PTPRN2: variants seen among roughly 807,000 people sequenced by gnomAD.
The protein encoded by PTPRN2 is receptor-type tyrosine-protein phosphatase N2.
A neutral mutation model predicts 118.8 loss-of-function variants in PTPRN2; 74 were observed. The observed-to-expected ratio is 0.62, with a 90% confidence interval of 0.52 to 0.76. PTPRN2 has a LOEUF of 0.76. Ranked by LOEUF, PTPRN2 falls within the 30% of genes least tolerant of loss-of-function variation. The pLI, the probability that PTPRN2 is intolerant of heterozygous loss-of-function variation, is 0.00. For missense variants in PTPRN2, 1,481 were observed against 1,394.4 expected, an observed-to-expected ratio of 1.06 and a Z score of -0.99; for synonymous variants, 641 against 608.0, an observed-to-expected ratio of 1.05 and a Z score of -0.80.
intron 12 of PTPRN2, among the ~76,000 whole-genome samples, chr7:157,691,079 C>A (rs1054673013): frequency 8.0e-6 from 1 of 124,862 alleles, no homozygotes; most frequent in South Asian, 2.7e-4. Flanking sequence ...CCCCCCCCCC[C>A]CCACATGTTG....
At position 158,555,915 on chromosome 7, in the gene PTPRN2, C is replaced by A. The variant is rs143439245; in HGVS notation, c.112+31643G>T. On this transcript the variant is annotated intron_variant, in intron 1 of 22. Transcript: ENST00000389418. The surrounding 1 kb of genome is among the most constrained non-coding windows in gnomAD (Gnocchi z 4.7). ...AACATGGCACACACAACACACGTCCCAAAATAAATCTTCACTAGGTACAGA... is the reference window on the plus strand; with the variant it reads ...AACATGGCACACACAACACACGTCCAAAAATAAATCTTCACTAGGTACAGA... Among the ~76,000 whole-genome samples the A allele has an allele frequency of 7.0e-3, 1,066 of 152,288 alleles. 12 individuals are homozygous for A. Among genetic ancestry groups the A allele is most frequent in the African/African-American group, 0.023 (960 of 41,566 alleles).
chr7:157,693,442 G>A (rs901758517), intron 12 of PTPRN2, among the ~76,000 whole-genome samples: 2 of 152,126 alleles, frequency 1.3e-5, no homozygotes, highest in African/African-American at 2.4e-5. Context: ...CTCGGGGAAC[G>A]CGCGCAGGCC....
At position 157,627,680 on chromosome 7, in the gene PTPRN2, A is replaced by G. The variant is rs756420019; in HGVS notation, c.2197-6171T>C. ...AGCCCTGAGTGAAAAGGTGTCTCCA[A>G]CCTTCTCAAATTCTCATACTTCCTG... On this transcript the variant is annotated intron_variant, in intron 14 of 22. Transcript: ENST00000389418. This position sits in a 1 kb window ranked among gnomAD's most constrained non-coding sequence, Gnocchi z 4.2. 5.9e-5 allele frequency among the ~76,000 whole-genome samples: 9 copies of G among 152,156 alleles called. No homozygotes were observed. The highest frequency in any genetic ancestry group is 8.8e-5 in the Non-Finnish European group (6 of 68,030).
chr7:158,278,246 C>T (rs1799165344), intron 3 of PTPRN2, among the ~76,000 whole-genome samples: 1 of 152,112 alleles, frequency 6.6e-6, no homozygotes, highest in Non-Finnish European at 1.5e-5. Context: ...AGGGACCACC[C>T]ACCACCTGCC....
intron 12 of PTPRN2, among the ~76,000 whole-genome samples, chr7:157,773,532 C>T (rs1412271683): frequency 4.6e-5 from 7 of 152,196 alleles, no homozygotes; most frequent in Non-Finnish European, 7.3e-5. Context: ...CAGCCCGCTG[C>T]GAGGGCCAGG....
chr7:158,026,099 C>T (rs1317381855), intron 11 of PTPRN2, among the ~76,000 whole-genome samples: 2 of 152,238 alleles, frequency 1.3e-5, no homozygotes, highest in African/African-American at 2.4e-5. Flanking sequence ...GCACAGATAT[C>T]GATTTAGATG....
rs777033859 is a variant in PTPRN2, at chr7:158,133,888, T to A, written c.1345A>T (p.Ser449Cys). 1.5e-5 allele frequency: 25 copies of A among 1,613,808 alleles called. No homozygotes were observed. Among genetic ancestry groups the A allele is most frequent in the Non-Finnish European group, 2.0e-5 (24 of 1,180,062 alleles). ...EETAGVENVK[S>C]QTYSKDLLGQ... ...AGCAGATCTTTGGAATACGTCTGGC[T>A]CTTGACGTTCTCCACTCCGGCAGTC... is the stretch of plus-strand genomic sequence containing the variant. Residue 449 changes from serine (S) to cysteine (C), a missense_variant, in exon 9 of 23, where the codon AGC becomes TGC. This residue lies in a region of PTPRN2 where 1,115 missense variants were observed against 994.2 expected (regional missense o/e 1.12). Coordinates refer to ENST00000389418, the MANE Select transcript of PTPRN2 (RefSeq NM_002847.5).
intron 1 of PTPRN2, among the ~76,000 whole-genome samples, chr7:158,580,604 T>C (rs924988426): frequency 8.5e-5 from 13 of 152,180 alleles, no homozygotes; most frequent in Non-Finnish European, 1.5e-4. Flanking sequence ...ACCCCCTGCC[T>C]GCTTGCCACT....
chr7:158,467,162 G>C (rs532311273), intron 2 of PTPRN2, among the ~76,000 whole-genome samples: 1 of 152,132 alleles, frequency 6.6e-6, no homozygotes, highest in African/African-American at 2.4e-5. Context: ...CCAATGATTA[G>C]TGATGCTCAG....
chr7:157,741,008 T>C (rs1800604215), intron 12 of PTPRN2, among the ~76,000 whole-genome samples: 1 of 152,080 alleles, frequency 6.6e-6, no homozygotes, highest in Admixed American at 6.6e-5. Context: ...AATAATCAAA[T>C]AAACTCTCCA....
At chr7:158,110,395 CAG>C (rs914808192) in intron 10 of PTPRN2, among the ~76,000 whole-genome samples, 3 of 152,212 alleles carry the variant, frequency 2.0e-5, no homozygotes, top group African/African-American at 7.2e-5. Flanking sequence ...ATGGAAGCTG[CAG>C]AGACTCGGGA....
At chr7:158,535,338 G>C (rs145970461) in intron 1 of PTPRN2, among the ~76,000 whole-genome samples, 1 of 152,130 alleles carries the variant, frequency 6.6e-6, no homozygotes, top group Non-Finnish European at 1.5e-5. Flanking sequence ...GCGTGAATTC[G>C]GGTAAGTTTC....
At chr7:158,134,597 G>A (rs79352596) in intron 8 of PTPRN2, among the ~76,000 whole-genome samples, 157 of 152,290 alleles carry the variant, frequency 1.0e-3, no homozygotes, top group African/African-American at 3.7e-3. Flanking sequence ...CAGAAGGGGA[G>A]ACGGAGGCAC....
At chr7:158,475,091 T>G (rs1733125) in intron 2 of PTPRN2, among the ~76,000 whole-genome samples, 1 of 151,902 alleles carries the variant, frequency 6.6e-6, no homozygotes, top group African/African-American at 2.4e-5. Context: ...AACCTTCTCA[T>G]GCAGAAGAGC....
At chr7:157,697,794 C>T (rs575716784) in intron 12 of PTPRN2, among the ~76,000 whole-genome samples, 3 of 131,288 alleles carry the variant, frequency 2.3e-5, no homozygotes, top group Admixed American at 7.6e-5. Flanking sequence ...CACCATCTAC[C>T]CATGCATACT....
chr7:157,974,274 G>C lies in PTPRN2; in HGVS notation c.1724-75537C>G, dbSNP rs1802566757. On this transcript the variant is annotated intron_variant, in intron 11 of 22. Coordinates refer to ENST00000389418, the MANE Select transcript of PTPRN2 (RefSeq NM_002847.5). The surrounding 1 kb of genome is among the most constrained non-coding windows in gnomAD (Gnocchi z 4.0). Reference sequence around the variant, plus strand: ...CTAGCATTTTCTCATCTCCAGCACGGTGTCAATGGTGCCACTCCAGCCGGG... The same window carrying C: ...CTAGCATTTTCTCATCTCCAGCACGCTGTCAATGGTGCCACTCCAGCCGGG... 6.6e-6 allele frequency among the ~76,000 whole-genome samples: 1 copy of C among 152,226 alleles called. No individual in the cohort carries two copies. Among genetic ancestry groups the C allele is most frequent in the Non-Finnish European group, 1.5e-5 (1 of 68,050 alleles).
intron 19 of PTPRN2, among the ~76,000 whole-genome samples, chr7:157,572,429 CT>C (rs1374329229): frequency 9.9e-5 from 15 of 152,214 alleles, no homozygotes; most frequent in African/African-American, 3.6e-4. Context: ...TTTGCAAAGC[CT>C]TGCCTATCCA....
At position 157,873,282 on chromosome 7, in the gene PTPRN2, G is replaced by A. The variant is rs1277195534; in HGVS notation, c.1788+25391C>T. 2.0e-5 allele frequency among the ~76,000 whole-genome samples: 3 copies of A among 152,232 alleles called. No individual in the cohort carries two copies. The East Asian group carries it at 5.8e-4, about 29-fold the overall frequency. ...GCAAGTATCTGTTGAATAAATGAATGTGCACCAGGAAAGAAAGCAGCCGCC... is the reference window on the plus strand; with the variant it reads ...GCAAGTATCTGTTGAATAAATGAATATGCACCAGGAAAGAAAGCAGCCGCC... On this transcript the variant is annotated intron_variant, in intron 12 of 22. Transcript: ENST00000389418.
chr7:158,147,692 C>T (rs576429766), intron 6 of PTPRN2, among the ~76,000 whole-genome samples: 1,011 of 70,990 alleles, frequency 0.014, no homozygotes, highest in Middle Eastern at 0.021. Context: ...CCCCATCTCA[C>T]GCCACACGTC....
Sources: allele counts gnomAD v4.1 joint callset (sites outside exome capture counted in the v4.1 genomes callset), GRCh38; gene constraint gnomAD v4.1.1; regional missense constraint gnomAD v4.1.1; non-coding constraint Gnocchi (gnomAD v3.1); transcripts MANE v1.5; gene names NCBI Gene and HGNC (gene_info 2026-07-23, HGNC 2026-07-21).